The following SCML4 variants were observed in gnomAD, a reference collection of about 807,000 sequenced individuals.
SCML4 encodes Scm polycomb group protein like 4, also known as sex comb on midleg-like protein 4.
SCML4 carries 34 observed loss-of-function variants against 41.1 expected under a neutral mutation model. That is an observed-to-expected ratio of 0.83 (90% CI 0.63 to 1.10). SCML4 has a LOEUF of 1.10. Among genes scored for constraint, SCML4 ranks in the 50% least tolerant of loss-of-function variants. The pLI, the probability that SCML4 is intolerant of heterozygous loss-of-function variation, is 0.00. For synonymous variants in SCML4, 214 were observed against 220.9 expected, an observed-to-expected ratio of 0.97 and a Z score of 0.28; for missense variants, 522 against 534.1, an observed-to-expected ratio of 0.98 and a Z score of 0.22.
At chr6:107,846,008 G>A in the SCML4 span, among the ~76,000 whole-genome samples, 2 of 152,186 alleles carry the variant, frequency 1.3e-5, no homozygotes, top group African/African-American at 2.4e-5. Context: ...CTCCCTGAGT[G>A]AGCCTCCTGC....
chr6:107,829,072 T>TG (rs1245656576), upstream of SCML4, among the ~76,000 whole-genome samples: 2 of 152,124 alleles, frequency 1.3e-5, no homozygotes, highest in Non-Finnish European at 2.9e-5. Flanking sequence ...AATTTTATTT[T>TG]GAAAAAAAAC....
intron 6 of SCML4, among the ~76,000 whole-genome samples, chr6:107,714,977 A>T (rs2493447): frequency 0.52 from 27,732 of 53,836 alleles, 5,414 homozygotes; most frequent in African/African-American, 0.63. Context: ...CAAACCCTTT[A>T]TTTTTTTTTT....
At chr6:107,717,640 C>T (rs138233405) in intron 6 of SCML4, among the ~76,000 whole-genome samples, 2,502 of 152,280 alleles carry the variant, frequency 0.016, 81 homozygotes, top group African/African-American at 0.058. Context: ...CTCCACCTCC[C>T]GGGTTCAAGC....
At chr6:107,717,692 C>T (rs1277523251) in intron 6 of SCML4, among the ~76,000 whole-genome samples, 2 of 152,264 alleles carry the variant, frequency 1.3e-5, no homozygotes, top group Non-Finnish European at 1.5e-5. Flanking sequence ...GTATTACAGG[C>T]GTGCATCACG....
At chr6:107,759,240 A>G (rs914245988) in intron 2 of SCML4, among the ~76,000 whole-genome samples, 4 of 151,666 alleles carry the variant, frequency 2.6e-5, no homozygotes, top group African/African-American at 9.7e-5. Flanking sequence ...TGAGGTAGGA[A>G]GACGGCTTGA....
chr6:107,743,909 T>A (rs1777819242), intron 5 of SCML4: 1 of 152,218 alleles, frequency 6.6e-6, no homozygotes. Flanking sequence ...TATCCTTTTG[T>A]TGAATGCGCT....
chr6:107,787,726 C>T (rs545186302), intron 1 of SCML4, among the ~76,000 whole-genome samples: 1 of 152,320 alleles, frequency 6.6e-6, no homozygotes, highest in South Asian at 2.1e-4. Context: ...CAAATCACAA[C>T]TCTCCAAGTC....
intron 1 of SCML4, among the ~76,000 whole-genome samples, chr6:107,778,222 A>AAAAAAAT (rs1554218145): frequency 1.9e-4 from 3 of 15,540 alleles, no homozygotes; most frequent in Non-Finnish European, 4.5e-4. Context: ...AAAAAAAAAA[A>AAAAAAAT]ATATATATAT....
chr6:107,765,473 C>G (rs1407449217), intron 2 of SCML4, among the ~76,000 whole-genome samples: 1 of 152,002 alleles, frequency 6.6e-6, no homozygotes, highest in African/African-American at 2.4e-5. Flanking sequence ...CCATTGCACT[C>G]CAGCCTGGGC....
At chr6:107,773,759 A>C (rs1458257350) in intron 1 of SCML4, among the ~76,000 whole-genome samples, 3 of 152,146 alleles carry the variant, frequency 2.0e-5, no homozygotes, top group Non-Finnish European at 4.4e-5. Flanking sequence ...AGAACTTTAG[A>C]CTTTGATTCA....
chr6:107,766,910 G>T (rs959335769), intron 2 of SCML4, among the ~76,000 whole-genome samples: 6 of 151,114 alleles, frequency 4.0e-5, no homozygotes, highest in African/African-American at 1.5e-4. Flanking sequence ...CACAGGAAGG[G>T]TATTAGGTAG....
Position 107,746,894 on chromosome 6 carries a change from G to A in SCML4, c.287-5C>T, listed in dbSNP as rs1476206197. On this transcript the variant is annotated splice_region_variant and splice_polypyrimidine_tract_variant and intron_variant, in intron 3 of 7. Transcript: ENST00000369020. The stretch of plus-strand genomic sequence containing the variant: ...GCTTGTTGATGTAGAGGCAGACTGC[G>A]GAGACAGAGGTCACAAAGCCCTCGG... 25 of 1,608,176 alleles carry A rather than the reference G, an allele frequency of 1.6e-5. No homozygotes were observed. Among genetic ancestry groups the A allele is most frequent in the East Asian group, 2.2e-5 (1 of 44,788 alleles).
At chr6:107,833,108 G>T in the SCML4 span, among the ~76,000 whole-genome samples, 1 of 152,208 alleles carries the variant, frequency 6.6e-6, no homozygotes, top group Non-Finnish European at 1.5e-5. Flanking sequence ...CTGGCTATCT[G>T]ACAAAGGGGC....
intron 2 of SCML4, among the ~76,000 whole-genome samples, chr6:107,763,817 A>G (rs980100017): frequency 6.6e-6 from 1 of 152,176 alleles, no homozygotes; most frequent in East Asian, 1.9e-4. Context: ...CTGCACCTTG[A>G]TCTTGGACTT....
chr6:107,709,842 C>G (rs892802477), intron 6 of SCML4, among the ~76,000 whole-genome samples: 4 of 152,174 alleles, frequency 2.6e-5, no homozygotes, highest in Admixed American at 2.0e-4. Flanking sequence ...TTCCAAGTAT[C>G]TGAGATTACA....
At chr6:107,785,297 T>A (rs1781801025) in intron 1 of SCML4, among the ~76,000 whole-genome samples, 1 of 152,192 alleles carries the variant, frequency 6.6e-6, no homozygotes, top group Non-Finnish European at 1.5e-5. Context: ...GTGTCCCTTG[T>A]CCTAGAGGAC....
intron 2 of SCML4, among the ~76,000 whole-genome samples, chr6:107,769,563 G>A (rs1405451574): frequency 2.6e-5 from 4 of 152,118 alleles, no homozygotes; most frequent in South Asian, 2.1e-4. Flanking sequence ...ACAATGAGGC[G>A]TCCTCAGAAT....
At position 107,764,133 on chromosome 6, in the gene SCML4, C is replaced by A. The variant is rs188335813; in HGVS notation, c.156+8039G>T. On this transcript the variant is annotated intron_variant, in intron 2 of 7. Transcript: ENST00000369020. ...TCTAAAAACTTGCCTGCTGGAAATG[C>A]AAATTGGTTCCAATAACAAGAAGCT... Among the ~76,000 whole-genome samples the A allele has an allele frequency of 1.5e-3, 234 of 152,304 alleles. 1 individual carries two copies. Among genetic ancestry groups the A allele is most frequent in the African/African-American group, 5.5e-3 (230 of 41,564 alleles).
At chr6:107,813,643 C>G (rs1023806370) in intron 1 of SCML4, among the ~76,000 whole-genome samples, 2 of 151,770 alleles carry the variant, frequency 1.3e-5, no homozygotes, top group African/African-American at 4.8e-5. Flanking sequence ...ATCGTTCTTC[C>G]TTAGGCATCA....
Sources: allele counts gnomAD v4.1 joint callset (sites outside exome capture counted in the v4.1 genomes callset), GRCh38; gene constraint gnomAD v4.1.1; transcripts MANE v1.5; gene names NCBI Gene and HGNC (gene_info 2026-07-23, HGNC 2026-07-21).